The following ABCA8 variants were observed in gnomAD, a reference collection of about 807,000 sequenced individuals.
The protein encoded by ABCA8 is ATP binding cassette subfamily A member 8, also known as ABC-type organic anion transporter ABCA8.
ABCA8 carries 177 observed loss-of-function variants against 192.3 expected under a neutral mutation model. The ratio of observed to expected loss-of-function variants is 0.92; its 90% CI spans 0.81 to 1.04. The LOEUF (loss-of-function observed/expected upper bound fraction) is 1.04. ABCA8 is among the 50% of genes least tolerant of loss of function. ABCA8 has a pLI of 0.00. For missense variants in ABCA8, 1,915 were observed against 1,904.8 expected (o/e 1.01, Z -0.10); for synonymous variants, 642 against 690.2 (o/e 0.93, Z 1.09).
chr17:68,921,451 G>T lies in ABCA8; in HGVS notation c.1543C>A (p.Leu515Ile), dbSNP rs776589114. The T allele has an allele frequency of 1.2e-6, 2 of 1,609,162 alleles. No homozygotes were observed. The highest frequency in any genetic ancestry group is 2.2e-5 in the South Asian group (2 of 90,154). Residue 515 changes from leucine (L) to isoleucine (I), a missense_variant, in exon 13 of 40, where the codon CTT becomes ATT. Physicochemically the swap from Leu to Ile is conservative, Grantham distance 5. Coordinates refer to ENST00000586539, the MANE Select transcript of ABCA8 (RefSeq NM_001288985.2). ...DIYEGQITAILGHSGAGKSTL... is the reference protein window; with the variant it reads ...DIYEGQITAIIGHSGAGKSTL... ...GACTTTCCAGCTCCACTGTGACCAA[G>T]TATTGCAGTGATTTGGCCTTCGTAA...
chr17:68,942,462 T>C (rs2068259442), intron 2 of ABCA8, among the ~76,000 whole-genome samples: 1 of 152,256 alleles, frequency 6.6e-6, no homozygotes, highest in Non-Finnish European at 1.5e-5. Context: ...ATAGAATGTA[T>C]TTTTCCCCAC....
At position 68,929,715 on chromosome 17, in the gene ABCA8, CAAAAT is replaced by C. The variant is rs2067806333; in HGVS notation, c.798-18_798-14del. ...ACCCCAGGAGAGCCTAATGTGGAAA[CAAAAT>C]GTTATTTTAGTATTTTATGTTCACT... On this transcript the variant is annotated splice_polypyrimidine_tract_variant and intron_variant, in intron 7 of 39. Transcript: ENST00000586539. 1 of 1,585,202 alleles carries C rather than the reference CAAAAT, an allele frequency of 6.3e-7. No homozygotes were observed. The highest frequency in any genetic ancestry group is 8.5e-7 in the Non-Finnish European group (1 of 1,169,862).
chr17:68,918,903 C>T (rs144552082), intron 14 of ABCA8, among the ~76,000 whole-genome samples: 3,712 of 137,234 alleles, frequency 0.027, 173 homozygotes, highest in African/African-American at 0.098. Flanking sequence ...GCACTCCGGC[C>T]TGGGCGACAA....
At position 68,894,272 on chromosome 17, in the gene ABCA8, C is replaced by T; in HGVS notation, c.2937G>A (p.Leu979=). The T allele has an allele frequency of 6.2e-7, 1 of 1,611,796 alleles. No individual in the cohort carries two copies. Among genetic ancestry groups the T allele is most frequent in the Non-Finnish European group, 8.5e-7 (1 of 1,179,416 alleles). ...TGTCCATAAGAACTGGGAAGCAATT[C>T]AATCTTTTGGCATTGCATGCTAACG... is the stretch of plus-strand genomic sequence containing the variant. The part of the protein sequence containing the change: ...SFSLACNAKR[L]NCFPVLMDIV... Residue 979 remains leucine, a synonymous_variant, in exon 23 of 40, where the codon TTG becomes TTA. Transcript: ENST00000586539.
chr17:68,872,790 T>C (rs1244882460), intron 37 of ABCA8, among the ~76,000 whole-genome samples: 3 of 151,834 alleles, frequency 2.0e-5, no homozygotes, highest in African/African-American at 7.3e-5. Flanking sequence ...TAATAAAAAA[T>C]GTTAAGTAGA....
chr17:68,887,096 A>C lies in ABCA8; in HGVS notation c.3350T>G (p.Ile1117Ser). 3 of 1,612,260 alleles carry C rather than the reference A, an allele frequency of 1.9e-6. No homozygotes were observed. The highest frequency in any genetic ancestry group is 2.5e-6 in the Non-Finnish European group (3 of 1,179,210). The change falls in exon 26 of 40, where the codon ATC becomes AGC. Residue 1117 changes from isoleucine to serine, a missense_variant. By Grantham distance (142) the Ile-to-Ser change is moderately radical. Transcript: ENST00000586539. ...PCAVGYSFSL[I>S]FMTYVISFIF... ...GAAGGAAATCACGTATGTCATGAAG[A>C]TGAGGGAAAAGGAATAACCAACAGC...
intron 30 of ABCA8, among the ~76,000 whole-genome samples, 160 bp downstream of exon 30, chr17:68,882,438 CA>C (rs1226003273): frequency 1.3e-5 from 2 of 152,106 alleles, no homozygotes; most frequent in Non-Finnish European, 2.9e-5. Context: ...ATTCTAAGAA[CA>C]AAAGAGTTAA....
chr17:68,918,338 CAT>C (rs2067437687), intron 15 of ABCA8, 87 bp downstream of exon 15: 6 of 1,496,176 alleles, frequency 4.0e-6, no homozygotes, highest in Non-Finnish European at 5.4e-6. Flanking sequence ...TTTTATAACA[CAT>C]GTCCTTTGCG....
chr17:68,870,785 A>G (rs957744978), intron 37 of ABCA8, among the ~76,000 whole-genome samples: 2 of 152,212 alleles, frequency 1.3e-5, no homozygotes, highest in East Asian at 3.9e-4. Flanking sequence ...GGCTATTAAG[A>G]ATAGTGCTGC....
intron 1 of ABCA8, among the ~76,000 whole-genome samples, chr17:68,952,271 T>C (rs1239310059): frequency 6.6e-6 from 1 of 152,146 alleles, no homozygotes; most frequent in Non-Finnish European, 1.5e-5. Context: ...CAGGCTGGAG[T>C]GCAGTGGTGC....
chr17:68,870,382 C>G (rs1368510428), intron 37 of ABCA8, among the ~76,000 whole-genome samples: 1 of 152,146 alleles, frequency 6.6e-6, no homozygotes, highest in South Asian at 2.1e-4. Flanking sequence ...GTGGAAACTC[C>G]CCTGCCACTG....
rs555082500 is a variant in ABCA8 at position 68,905,567 on chromosome 17, C to T, written c.2398+477G>A. Among the ~76,000 whole-genome samples the T allele has an allele frequency of 2.0e-5, 3 of 151,818 alleles. No individual in the cohort carries two copies. In the South Asian group the frequency reaches 6.2e-4, roughly 32 times the overall value. On this transcript the variant is annotated intron_variant, in intron 19 of 39. Transcript: ENST00000586539. ...CACAAGAGAATAAGTTATTTGTGAC[C>T]TTGAAAATAGGTGGATAGATAGTGT...
chr17:68,940,907 T>A lies in ABCA8; in HGVS notation c.152A>T (p.His51Leu), dbSNP rs1662398205. ...LLCLYIYPHSHQVNDFSSLLT... is the reference protein window; with the variant it reads ...LLCLYIYPHSLQVNDFSSLLT... ...CAGTGAAGAAAAATCATTTACTTGATGACTATGAGGATATATATACAAACA... is the reference window on the plus strand; with the variant it reads ...CAGTGAAGAAAAATCATTTACTTGAAGACTATGAGGATATATATACAAACA... Residue 51 changes from histidine to leucine, a missense_variant, in exon 4 of 40, where the codon CAT becomes CTT. By Grantham distance (99) the His-to-Leu change is moderately conservative. Transcript: ENST00000586539. The A allele has an allele frequency of 6.2e-7, 1 of 1,612,776 alleles. No homozygotes were observed. Among genetic ancestry groups the A allele is most frequent in the Non-Finnish European group, 8.5e-7 (1 of 1,178,934 alleles).
chr17:68,868,258 A>C, intron 39 of ABCA8, 43 bp downstream of exon 39: 1 of 1,607,436 alleles, frequency 6.2e-7, no homozygotes, highest in South Asian at 1.1e-5. Flanking sequence ...AATGTTTTAT[A>C]CACATATACC....
chr17:68,924,607 G>C, intron 11 of ABCA8, 94 bp downstream of exon 11: 2 of 1,399,312 alleles, frequency 1.4e-6, no homozygotes. Flanking sequence ...GGTGGGAACT[G>C]TCTACAGAGC....
intron 21 of ABCA8, among the ~76,000 whole-genome samples, chr17:68,900,346 G>A (rs1409034966): frequency 6.6e-6 from 1 of 151,866 alleles, no homozygotes; most frequent in Non-Finnish European, 1.5e-5. Context: ...ATAGTATAAT[G>A]GAAAAATTCC....
rs1567866527 is a variant in ABCA8 at position 68,924,808 on chromosome 17, T to C, written c.1335A>G (p.Thr445=). ...FFLKSSFWSQ[T]QKTDHVALED... ...CAAGGGCCACGTGATCAGTCTTTTG[T>C]GTTTGAGACCAAAATGAGGACTTCA... is the stretch of plus-strand genomic sequence containing the variant. The change falls in exon 11 of 40, where the codon ACA becomes ACG. Residue 445 remains threonine, a synonymous_variant. Transcript: ENST00000586539. 3.1e-6 allele frequency: 5 copies of C among 1,614,158 alleles called. No homozygotes were observed. The highest frequency in any genetic ancestry group is 3.4e-6 in the Non-Finnish European group (4 of 1,180,008).
chr17:68,883,905 A>G (rs371307891), intron 28 of ABCA8, 23 bp from the exon 29 acceptor site: 13 of 1,368,440 alleles, frequency 9.5e-6, no homozygotes, highest in Non-Finnish European at 1.3e-5. Flanking sequence ...AGAGATGCAC[A>G]ATTAGAAACA....
chr17:68,922,243 T>G lies in ABCA8; in HGVS notation c.1500A>C (p.Lys500Asn). The change falls in exon 12 of 40, where the codon AAA becomes AAC. Residue 500 changes from lysine to asparagine, a missense_variant and splice_region_variant. By Grantham distance (94) the Lys-to-Asn change is moderately conservative (BLOSUM62 0). Transcript: ENST00000586539. ...TTTTTTTTTTTTTTTTTTTTTTACCTTTCAAGGCTTCTATTTTATCAGGCT... is the reference window on the plus strand; with the variant it reads ...TTTTTTTTTTTTTTTTTTTTTTACCGTTCAAGGCTTCTATTTTATCAGGCT... ...KGKPDKIEAL[K>N]DLVFDIYEGQ... 1 of 762,574 alleles carries G rather than the reference T, an allele frequency of 1.3e-6. No homozygotes were observed. Among genetic ancestry groups the G allele is most frequent in the Non-Finnish European group, 1.9e-6 (1 of 530,262 alleles). The allele number at this position is 762,574 out of a possible 1,614,324, so 47.2% of individuals were successfully genotyped here.
Sources: allele counts gnomAD v4.1 joint callset (sites outside exome capture counted in the v4.1 genomes callset), GRCh38; gene constraint gnomAD v4.1.1; transcripts MANE v1.5; gene names NCBI Gene and HGNC (gene_info 2026-07-23, HGNC 2026-07-21).